Variants in ERBB4 observed in about 807,000 individuals in gnomAD.
ERBB4 encodes erb-b2 receptor tyrosine kinase 4, also known as receptor tyrosine-protein kinase erbB-4.
Under a neutral mutation model 158.0 loss-of-function variants are expected in ERBB4, and 42 were observed. That is an observed-to-expected ratio of 0.27 (90% CI 0.21 to 0.34). ERBB4 has a LOEUF of 0.34. Ranked by LOEUF, ERBB4 falls within the 10% of genes least tolerant of loss-of-function variation. The probability of loss-of-function intolerance (pLI) is 1.00; values close to 1 mark genes in which losing one functional copy is unlikely to be tolerated. For synonymous variants in ERBB4, 583 were observed against 558.7 expected, an observed-to-expected ratio of 1.04 and a Z score of -0.61; for missense variants, 1,333 against 1,624.1, an observed-to-expected ratio of 0.82 and a Z score of 3.08.
intron 1 of ERBB4, among the ~76,000 whole-genome samples, chr2:212,184,093 A>G (rs1163981027): frequency 6.6e-6 from 1 of 152,088 alleles, no homozygotes; most frequent in Non-Finnish European, 1.5e-5. Flanking sequence ...AGTTGGACTG[A>G]ATGTTTTAAA....
chr2:211,902,436 T>C (rs1239380131), intron 3 of ERBB4, among the ~76,000 whole-genome samples: 2 of 151,982 alleles, frequency 1.3e-5, no homozygotes, highest in Non-Finnish European at 2.9e-5. Context: ...CAACTAATAC[T>C]GTACAAAATA....
chr2:211,721,443 C>CAAAAAAAAAAGAAA (rs2074087377), intron 7 of ERBB4, among the ~76,000 whole-genome samples: 1 of 54,500 alleles, frequency 1.8e-5, no homozygotes, highest in Non-Finnish European at 3.0e-5. Context: ...TTACTCAAAG[C>CAAAAAAAAAAGAAA]AAAAAAAAAA....
chr2:212,462,045 T>C (rs1688602552), intron 1 of ERBB4, among the ~76,000 whole-genome samples: 1 of 152,168 alleles, frequency 6.6e-6, no homozygotes. Context: ...CAGGTATGTC[T>C]TTATCAGCAG....
chr2:212,325,017 C>T (rs2087759198), intron 1 of ERBB4, among the ~76,000 whole-genome samples: 1 of 73,606 alleles, frequency 1.4e-5, no homozygotes, highest in African/African-American at 3.7e-5. Flanking sequence ...TACAAGCAAC[C>T]CAAAAAAAAA....
chr2:211,505,739 T>C (rs2065730235), intron 20 of ERBB4, among the ~76,000 whole-genome samples: 1 of 151,988 alleles, frequency 6.6e-6, no homozygotes, highest in African/African-American at 2.4e-5. Context: ...GGCGGGTGGA[T>C]CACGAGGTCA....
rs1290095653 is a variant in ERBB4 at position 212,192,711 on chromosome 2, T to C, written c.83-67808A>G. 3.3e-5 allele frequency among the ~76,000 whole-genome samples: 5 copies of C among 152,168 alleles called. No homozygotes were observed. In the East Asian group the frequency reaches 9.6e-4, roughly 29 times the overall value. ...AGGAGGTCTCACAGGAGTCATATACTATACTCAGTAGAGTGGCTTTATTTT... is the reference window on the plus strand; with the variant it reads ...AGGAGGTCTCACAGGAGTCATATACCATACTCAGTAGAGTGGCTTTATTTT... On this transcript the variant is annotated intron_variant, in intron 1 of 27. Coordinates refer to ENST00000342788, the MANE Select transcript of ERBB4 (RefSeq NM_005235.3).
intron 16 of ERBB4, among the ~76,000 whole-genome samples, chr2:211,642,442 C>T (rs2070631249): frequency 1.3e-5 from 2 of 152,010 alleles, no homozygotes; most frequent in Non-Finnish European, 2.9e-5. Flanking sequence ...CTCCGTGTTA[C>T]CCTGACCTCT....
At chr2:212,126,011 A>G (rs1168002984) in intron 1 of ERBB4, among the ~76,000 whole-genome samples, 1 of 152,202 alleles carries the variant, frequency 6.6e-6, no homozygotes, top group Admixed American at 6.5e-5. Flanking sequence ...TATACTACAA[A>G]CCAGATATGT....
At chr2:212,183,155 G>A (rs2081923608) in intron 1 of ERBB4, among the ~76,000 whole-genome samples, 1 of 151,776 alleles carries the variant, frequency 6.6e-6, no homozygotes, top group Non-Finnish European at 1.5e-5. Context: ...TATAATCTAT[G>A]CCTTTTAGAA....
intron 25 of ERBB4, among the ~76,000 whole-genome samples, chr2:211,405,433 A>G (rs1337736844): frequency 1.3e-5 from 2 of 152,170 alleles, no homozygotes; most frequent in East Asian, 1.9e-4. Flanking sequence ...AAACTTTTCT[A>G]CAAATGTGTT....
intron 2 of ERBB4, among the ~76,000 whole-genome samples, chr2:212,032,349 C>G (rs1401421937): frequency 6.6e-6 from 1 of 152,034 alleles, no homozygotes; most frequent in Admixed American, 6.6e-5. Flanking sequence ...ACTCCTTTTG[C>G]CTTAGGCTGA....
At chr2:211,923,397 G>T (rs908218714) in intron 3 of ERBB4, among the ~76,000 whole-genome samples, 1 of 152,126 alleles carries the variant, frequency 6.6e-6, no homozygotes, top group African/African-American at 2.4e-5. Context: ...GAAATTGAAT[G>T]AATATGGGAA....
chr2:212,235,649 C>T (rs896316386), intron 1 of ERBB4, among the ~76,000 whole-genome samples: 1 of 152,114 alleles, frequency 6.6e-6, no homozygotes, highest in Non-Finnish European at 1.5e-5. Context: ...TTTCCTTAAA[C>T]AGTGGTTTGT....
At chr2:211,903,137 C>A (rs906894330) in intron 3 of ERBB4, among the ~76,000 whole-genome samples, 1 of 148,926 alleles carries the variant, frequency 6.7e-6, no homozygotes, top group Non-Finnish European at 1.5e-5. Context: ...CACAATGTTT[C>A]TTTCTTCAAA....
chr2:211,432,610 A>C (rs60194994), intron 20 of ERBB4, among the ~76,000 whole-genome samples: 16 of 138,640 alleles, frequency 1.2e-4, no homozygotes, highest in South Asian at 5.3e-4. Context: ...AGGATCAAAA[A>C]AAAAAAAAAA....
intron 19 of ERBB4, among the ~76,000 whole-genome samples, chr2:211,618,606 C>A (rs948385702): frequency 6.6e-6 from 1 of 152,050 alleles, no homozygotes; most frequent in Non-Finnish European, 1.5e-5. Context: ...TTGGGGTAAC[C>A]TTGGGTTAAC....
At chr2:211,852,676 AT>A (rs1408652661) in intron 3 of ERBB4, among the ~76,000 whole-genome samples, 1 of 137,738 alleles carries the variant, frequency 7.3e-6, no homozygotes, top group East Asian at 2.1e-4. Context: ...TAAGCTGTCT[AT>A]CCACTCTTCA....
At chr2:211,915,036 G>A (rs2079648556) in intron 3 of ERBB4, among the ~76,000 whole-genome samples, 1 of 152,102 alleles carries the variant, frequency 6.6e-6, no homozygotes, top group African/African-American at 2.4e-5. Context: ...TTAGGGAGAA[G>A]CAGAGACAAA....
In ERBB4 at chr2:211,889,313, T is replaced by C. The variant is rs371888750; in HGVS notation, c.421+58117A>G. ...CACTGACACCTCACACGGCAGGGTA[T>C]TCCAACAGACCTGCAGCTGAGGGTC... On this transcript the variant is annotated intron_variant, in intron 3 of 27. Transcript: ENST00000342788. 5.6e-3 allele frequency among the ~76,000 whole-genome samples: 817 copies of C among 144,858 alleles called. 16 individuals are homozygous for C. The highest frequency in any genetic ancestry group is 7.2e-3 in the East Asian group (37 of 5,132).
Sources: allele counts gnomAD v4.1 joint callset (sites outside exome capture counted in the v4.1 genomes callset), GRCh38; gene constraint gnomAD v4.1.1; transcripts MANE v1.5; gene names NCBI Gene and HGNC (gene_info 2026-07-23, HGNC 2026-07-21).